Variants in OTOF observed in about 807,000 individuals in gnomAD.
The protein encoded by OTOF is fer-1-like family member 2.
A neutral mutation model predicts 236.8 loss-of-function variants in OTOF; 218 were observed. That is an observed-to-expected ratio of 0.92 (90% confidence interval 0.82 to 1.03). OTOF has a LOEUF of 1.03. Among genes scored for constraint, OTOF ranks in the 50% least tolerant of loss-of-function variants. OTOF has a pLI of 0.00. For missense variants in OTOF, 2,590 were observed against 2,694.4 expected (o/e 0.96, Z 0.86); for synonymous variants, 1,041 against 1,072.5 (o/e 0.97, Z 0.57).
At chr2:26,548,196 T>C (rs953146094) in intron 1 of OTOF, among the ~76,000 whole-genome samples, 2 of 152,242 alleles carry the variant, frequency 1.3e-5, no homozygotes, top group African/African-American at 4.8e-5. Context: ...GGTTTATCTA[T>C]TTTATTAATT....
chr2:26,489,821 C>T lies in OTOF; in HGVS notation c.898-81G>A. 2.8e-6 allele frequency: 3 copies of T among 1,054,292 alleles called. No homozygotes were observed. In the South Asian group the frequency reaches 3.8e-5, roughly 13 times the overall value. 65.3% of individuals were successfully genotyped at this position (1,054,292 alleles called of 1,614,324 possible). On this transcript the variant is annotated intron_variant, in intron 9 of 46. Coordinates refer to ENST00000272371, the MANE Select transcript of OTOF (RefSeq NM_194248.3). ...GCAGTGTTGGGCCCCTCCCTCCTCGCAGGGCCTGTCTGCACCCCAGACATT... is the reference window on the plus strand; with the variant it reads ...GCAGTGTTGGGCCCCTCCCTCCTCGTAGGGCCTGTCTGCACCCCAGACATT...
chr2:26,516,683 C>G (rs182014022), intron 4 of OTOF, 84 bp from the exon 5 acceptor site: 7 of 1,432,868 alleles, frequency 4.9e-6, no homozygotes, highest in Non-Finnish European at 1.9e-6. Flanking sequence ...GTGGTGTTTA[C>G]ACAGCGCTTC....
In OTOF at chr2:26,501,734, G is replaced by C. The variant is rs780941460; in HGVS notation, c.765+20C>G. On this transcript the variant is annotated intron_variant, in intron 8 of 46. Coordinates refer to ENST00000272371, the MANE Select transcript of OTOF (RefSeq NM_194248.3). ...TAGAGCAGAGTCTGAAAGACATGAG[G>C]CCTCCAGGTGCCCACCTACCTGGTA... 1.9e-6 allele frequency: 3 copies of C among 1,582,074 alleles called. No homozygotes were observed. The highest frequency in any genetic ancestry group is 1.1e-5 in the South Asian group (1 of 90,462).
chr2:26,542,973 C>T (rs1047989152), intron 1 of OTOF, among the ~76,000 whole-genome samples: 2 of 152,216 alleles, frequency 1.3e-5, no homozygotes, highest in Admixed American at 6.5e-5. Flanking sequence ...CTGCTGGTGA[C>T]TCAGACCTGG....
chr2:26,472,888 AACC>A (rs1391500425), intron 29 of OTOF, among the ~76,000 whole-genome samples: 11 of 152,142 alleles, frequency 7.2e-5, no homozygotes, highest in Non-Finnish European at 1.5e-5. Context: ...CTTCTCCATC[AACC>A]AGCGCAAGGG....
chr2:26,518,396 G>C (rs1268374795), intron 4 of OTOF, among the ~76,000 whole-genome samples: 1 of 152,210 alleles, frequency 6.6e-6, no homozygotes, highest in African/African-American at 2.4e-5. Context: ...TTCATACTCA[G>C]GGTCCCTGTT....
At chr2:26,474,153 G>C in intron 26 of OTOF, 43 bp from the exon 27 acceptor site, 1 of 1,611,524 alleles carries the variant, frequency 6.2e-7, no homozygotes, top group Non-Finnish European at 8.5e-7. Context: ...GGAGCCCAGG[G>C]ACAGGGTCTC....
rs1478802762 is a variant in OTOF at position 26,462,169 on chromosome 2, C to A, written c.5205G>T (p.Arg1735=). ...SPRKPKKYEL[R]VIIWNTDEVV... ...CCTCATCTGTGTTCCAGATGATGAC[C>A]CGCAGCTCGTACCTGGGCCCAGGGA... Residue 1735 remains arginine, a synonymous_variant, in exon 42 of 47, where the codon CGG becomes CGT. Coordinates refer to ENST00000272371, the MANE Select transcript of OTOF (RefSeq NM_194248.3). This position sits in a 1 kb window ranked among gnomAD's most constrained non-coding sequence, Gnocchi z 4.7. 3 of 1,613,886 alleles carry A rather than the reference C, an allele frequency of 1.9e-6. No individual in the cohort carries two copies. Among genetic ancestry groups the A allele is most frequent in the South Asian group, 2.2e-5 (2 of 91,072 alleles).
intron 8 of OTOF, among the ~76,000 whole-genome samples, chr2:26,499,289 G>C (rs994844651): frequency 6.6e-6 from 1 of 152,004 alleles, no homozygotes; most frequent in Non-Finnish European, 1.5e-5. Context: ...AAAGAGCATG[G>C]GTACGCCGCG....
chr2:26,508,878 A>G (rs960988571), intron 5 of OTOF, among the ~76,000 whole-genome samples: 2 of 152,180 alleles, frequency 1.3e-5, no homozygotes, highest in Admixed American at 6.5e-5. Context: ...TAGAAATCTC[A>G]TTTTCCTATT....
intron 2 of OTOF, among the ~76,000 whole-genome samples, chr2:26,531,862 A>G (rs541000729): frequency 1.3e-5 from 2 of 152,120 alleles, no homozygotes; most frequent in South Asian, 4.1e-4. Context: ...GGGAGGCCAA[A>G]GTGGGCAGAT....
chr2:26,524,114 G>A (rs1194877009), intron 3 of OTOF, among the ~76,000 whole-genome samples: 1 of 152,268 alleles, frequency 6.6e-6, no homozygotes, highest in Non-Finnish European at 1.5e-5. Flanking sequence ...CCCTTGTGGG[G>A]TTTCCTGCCT....
chr2:26,490,558 A>G (rs1007274597), intron 9 of OTOF, among the ~76,000 whole-genome samples: 1 of 152,078 alleles, frequency 6.6e-6, no homozygotes, highest in Non-Finnish European at 1.5e-5. Flanking sequence ...GGTGGGGGAG[A>G]AGGGAGAAAT....
chr2:26,499,601 G>T (rs1666070321), intron 8 of OTOF, among the ~76,000 whole-genome samples: 1 of 152,100 alleles, frequency 6.6e-6, no homozygotes, highest in African/African-American at 2.4e-5. Context: ...TCCACTTTCT[G>T]GGTTCAAGTG....
chr2:26,466,339 CT>C (rs989579570), intron 36 of OTOF: 1,201 of 495,222 alleles, frequency 2.4e-3, no homozygotes, highest in East Asian at 4.2e-3. Context: ...GCTTCTTCTT[CT>C]TTTTTTTTTC....
In OTOF at chr2:26,476,209, G is replaced by A; in HGVS notation, c.2785C>T (p.Leu929=). 1 of 1,610,144 alleles carries A rather than the reference G, an allele frequency of 6.2e-7. No homozygotes were observed. Among genetic ancestry groups the A allele is most frequent in the South Asian group, 1.1e-5 (1 of 91,086 alleles). The change falls in exon 23 of 47, where the codon CTG becomes TTG. Residue 929 remains leucine, a synonymous_variant. Transcript: ENST00000272371. ...TTGACCTCCTGGAAGCCACAGGGCA[G>A]GCCGCACAGGAACTCCTTGCGCTGT... is the stretch of plus-strand genomic sequence containing the variant. ...SKQRKEFLCG[L]PCGFQEVKAA... is the part of the protein sequence containing the mutation.
chr2:26,484,752 A>G, intron 11 of OTOF, 119 bp from the exon 12 acceptor site: 1 of 964,090 alleles, frequency 1.0e-6, no homozygotes, highest in South Asian at 1.6e-5. Flanking sequence ...GAGTCCCGGG[A>G]CCTGGGGCCA....
chr2:26,543,203 G>T (rs2384385), intron 1 of OTOF, among the ~76,000 whole-genome samples: 4 of 151,964 alleles, frequency 2.6e-5, no homozygotes, highest in African/African-American at 9.7e-5. Context: ...CCTTTTGAAG[G>T]CCAGATACTC....
chr2:26,496,237 CT>C (rs397939432), intron 8 of OTOF, among the ~76,000 whole-genome samples: 2,807 of 140,182 alleles, frequency 0.02, 34 homozygotes, highest in Non-Finnish European at 0.027. Context: ...TGATTAATGG[CT>C]TTTTTTTTTT....
Sources: allele counts gnomAD v4.1 joint callset (sites outside exome capture counted in the v4.1 genomes callset), GRCh38; gene constraint gnomAD v4.1.1; non-coding constraint Gnocchi (gnomAD v3.1); transcripts MANE v1.5; gene names NCBI Gene and HGNC (gene_info 2026-07-23, HGNC 2026-07-21).